PPP1R16A: variants seen among roughly 807,000 people sequenced by gnomAD.
PPP1R16A encodes the protein protein phosphatase 1 regulatory subunit 16A, also known as myosin phosphatase-targeting subunit 3.
PPP1R16A carries 39 observed loss-of-function variants against 46.6 expected under a neutral mutation model. The observed-to-expected ratio is 0.84, with a 90% confidence interval of 0.65 to 1.09. PPP1R16A has a LOEUF of 1.09. PPP1R16A is among the 50% of genes least tolerant of loss of function. PPP1R16A has a pLI of 0.00. For synonymous variants in PPP1R16A, 413 were observed against 321.5 expected (o/e 1.28, Z -3.04); for missense variants, 798 against 735.6 (o/e 1.08, Z -0.98).
intron 3 of PPP1R16A, chr8:144,498,086 C>T (rs1333548019): frequency 2.9e-5 from 13 of 456,118 alleles, no homozygotes; most frequent in South Asian, 1.1e-4. Context: ...TGCCTCCCTC[C>T]GGAGCAGAGA....
At chr8:144,491,366 C>G (rs1365650907) in intron 2 of PPP1R16A, among the ~76,000 whole-genome samples, 1 of 152,102 alleles carries the variant, frequency 6.6e-6, no homozygotes, top group African/African-American at 2.4e-5. Flanking sequence ...ATAATCCCAG[C>G]ATTTTGGGAG....
rs116714196 is a variant in PPP1R16A, at chr8:144,493,895, G to A, written c.-734-2566G>A. ...TGTGAGCCGTGCTGGGTGGGGTGGGGGAGGTAGAGCCTCCCCGCCCGTGGG... is the reference window on the plus strand; with the variant it reads ...TGTGAGCCGTGCTGGGTGGGGTGGGAGAGGTAGAGCCTCCCCGCCCGTGGG... On this transcript the variant is annotated intron_variant, in intron 2 of 11. Transcript: ENST00000435887. The surrounding 1 kb of genome is among the most constrained non-coding windows in gnomAD (Gnocchi z 4.3). 0.054 allele frequency among the ~76,000 whole-genome samples: 8,258 copies of A among 152,148 alleles called. 384 individuals are homozygous for A. The highest frequency in any genetic ancestry group is 0.086 in the Non-Finnish European group (5,831 of 67,926).
At chr8:144,499,825 A>C in intron 5 of PPP1R16A, 30 of 422,572 alleles carry the variant, frequency 7.1e-5, no homozygotes, top group East Asian at 2.3e-4. Flanking sequence ...AGGCCCATCC[A>C]ATGCATGTTT....
Position 144,500,119 on chromosome 8 carries a change from A to T in PPP1R16A, c.500A>T (p.Asn167Ile). Residue 167 changes from asparagine to isoleucine, a missense_variant, in exon 6 of 12, where the codon AAC becomes ATC. Coordinates refer to ENST00000435887, the MANE Select transcript of PPP1R16A (RefSeq NM_001329443.2). ...AGTGGCGCCAATCTCCTGGCGGTCAACACCGACGGGAACATGCCCTATGAC... is the reference window on the plus strand; with the variant it reads ...AGTGGCGCCAATCTCCTGGCGGTCATCACCGACGGGAACATGCCCTATGAC... ...IASGANLLAV[N>I]TDGNMPYDLC... 1 of 1,611,468 alleles carries T rather than the reference A, an allele frequency of 6.2e-7. No homozygotes were observed. Among genetic ancestry groups the T allele is most frequent in the Non-Finnish European group, 8.5e-7 (1 of 1,178,970 alleles).
intron 1 of PPP1R16A, chr8:144,479,304 C>T (rs541939607): frequency 6.6e-6 from 1 of 152,570 alleles, no homozygotes; most frequent in African/African-American, 2.4e-5. Context: ...GTGGTGGACG[C>T]TCAGAGCTCT....
At position 144,500,368 on chromosome 8, in the gene PPP1R16A, C is replaced by T; in HGVS notation, c.682C>T (p.Pro228Ser). Residue 228 changes from proline (P) to serine (S), a missense_variant, in exon 7 of 12, where the codon CCC becomes TCC. Physicochemically the swap from Pro to Ser is moderately conservative, Grantham distance 74 (BLOSUM62 -1). Transcript: ENST00000435887. ...RLQAGADLHAPLDHGATLLHV... is the reference protein window; with the variant it reads ...RLQAGADLHASLDHGATLLHV... ...GCAGGCCGGGGCAGACCTCCATGCC[C>T]CCCTGGACCACGGGGCCACGCTGGT... The T allele has an allele frequency of 6.5e-7, 1 of 1,532,176 alleles. No individual in the cohort carries two copies. The highest frequency in any genetic ancestry group is 2.5e-5 in the East Asian group (1 of 40,812). 94.9% of individuals were successfully genotyped at this position (1,532,176 alleles called of 1,614,324 possible).
chr8:144,499,801 G>A, intron 5 of PPP1R16A: 1 of 386,280 alleles, frequency 2.6e-6, no homozygotes, highest in Non-Finnish European at 4.8e-6. Flanking sequence ...TGTGCTCCCT[G>A]CTCCCCAGCA....
intron 3 of PPP1R16A, 80 bp downstream of exon 3, chr8:144,497,533 G>A: frequency 6.3e-7 from 1 of 1,576,852 alleles, no homozygotes; most frequent in Non-Finnish European, 8.6e-7. Context: ...TGCCAAGGCT[G>A]GGGGCTGGGC....
rs1825249408 is a variant in PPP1R16A at position 144,478,097 on chromosome 8, C to T, written c.-944C>T. 2.5e-6 allele frequency: 1 copy of T among 395,798 alleles called. No homozygotes were observed. Among genetic ancestry groups the T allele is most frequent in the Non-Finnish European group, 4.5e-6 (1 of 224,154 alleles). The allele number at this position is 395,798 out of a possible 1,614,324, so 24.5% of individuals were successfully genotyped here. A position where few individuals can be genotyped will look rare whatever the true frequency, so the allele number is the denominator to read the frequency against. ...ACTGACCCGCGGAAGCCAGCGGACC[C>T]ACTTGTGCGGCGGTCGGCGCGGGGC... On this transcript the variant is annotated 5_prime_UTR_variant, in exon 1 of 12. Transcript: ENST00000435887.
At chr8:144,483,108 C>T (rs556252617) in intron 1 of PPP1R16A, among the ~76,000 whole-genome samples, 1 of 152,266 alleles carries the variant, frequency 6.6e-6, no homozygotes, top group Non-Finnish European at 1.5e-5. Context: ...TGCGTATGTA[C>T]CCAGAAGTAG....
At chr8:144,487,465 G>C (rs1825661882) in intron 1 of PPP1R16A, among the ~76,000 whole-genome samples, 2 of 152,022 alleles carry the variant, frequency 1.3e-5, no homozygotes, top group Non-Finnish European at 2.9e-5. Context: ...TGCCTCCCAG[G>C]CTCAAGTGAT....
intron 3 of PPP1R16A, chr8:144,497,999 C>G (rs1324563471): frequency 2.2e-6 from 1 of 455,404 alleles, no homozygotes; most frequent in Non-Finnish European, 4.4e-6. Context: ...CTTGCAGCCC[C>G]AGCTGTGTGG....
At position 144,501,311 on chromosome 8, in the gene PPP1R16A, T is replaced by C; in HGVS notation, c.1203+17T>C. ...CCCCCGGAGGTGAGCGCCCCGTCCC[T>C]GCTCCGCCCAGCGCAGGGGTGGGCC... On this transcript the variant is annotated intron_variant, in intron 11 of 11. Transcript: ENST00000435887. 1 of 1,561,026 alleles carries C rather than the reference T, an allele frequency of 6.4e-7. No homozygotes were observed.
chr8:144,500,908 T>C lies in PPP1R16A; in HGVS notation c.974T>C (p.Leu325Pro). Residue 325 changes from leucine (L) to proline (P), a missense_variant, in exon 10 of 12, where the codon CTG becomes CCG. Coordinates refer to ENST00000435887, the MANE Select transcript of PPP1R16A (RefSeq NM_001329443.2). ...CTGAAGCACAAGCACGACGCCCTCC[T>C]GCGCGCCCAGAGCCGCCAGCGCTCC... is the stretch of plus-strand genomic sequence containing the variant. ...LELKHKHDALLRAQSRQRSLL... is the reference protein window; with the variant it reads ...LELKHKHDALPRAQSRQRSLL... 3 of 1,536,180 alleles carry C rather than the reference T, an allele frequency of 2.0e-6. No homozygotes were observed. Among genetic ancestry groups the C allele is most frequent in the African/African-American group, 1.4e-5 (1 of 71,164 alleles).
chr8:144,501,048 C>G lies in PPP1R16A; in HGVS notation c.1037+77C>G, dbSNP rs572639218. 1.5e-4 allele frequency: 235 copies of G among 1,530,386 alleles called. No individual in the cohort carries two copies. The African/African-American group carries it at 3.0e-3, about 19-fold the overall frequency. The allele number at this position is 1,530,386 out of a possible 1,614,324, so 94.8% of individuals were successfully genotyped here. A position where few individuals can be genotyped will look rare whatever the true frequency, so the allele number is the denominator to read the frequency against. On this transcript the variant is annotated intron_variant, in intron 10 of 11. Transcript: ENST00000435887. ...AGCCCCGGGCGGAGTGCCAGCCGAA[C>G]TGGGGGCAGAGTCCGAGGGGGTGGG... is the stretch of plus-strand genomic sequence containing the variant.
chr8:144,487,903 A>C (rs909528016), intron 1 of PPP1R16A, among the ~76,000 whole-genome samples: 2 of 152,236 alleles, frequency 1.3e-5, no homozygotes, highest in Non-Finnish European at 2.9e-5. Context: ...GACTACGTCA[A>C]ATCTTGGATG....
At chr8:144,490,544 C>T (rs1825773009) in intron 2 of PPP1R16A, among the ~76,000 whole-genome samples, 1 of 151,642 alleles carries the variant, frequency 6.6e-6, no homozygotes, top group Non-Finnish European at 1.5e-5. Context: ...GTCTGCCCAG[C>T]CAAGGGCTGG....
chr8:144,480,830 G>C (rs1334560893), intron 1 of PPP1R16A, among the ~76,000 whole-genome samples: 1 of 151,790 alleles, frequency 6.6e-6, no homozygotes, highest in East Asian at 1.9e-4. Context: ...GTAACTTACA[G>C]TAAGATGCAC....
At chr8:144,491,038 A>G (rs1825793597) in intron 2 of PPP1R16A, among the ~76,000 whole-genome samples, 1 of 152,018 alleles carries the variant, frequency 6.6e-6, no homozygotes, top group Admixed American at 6.5e-5. Flanking sequence ...CAGCGTGGGG[A>G]CAGAGCAAGA....
Sources: gnomAD v4.1 joint callset for allele counts (sites outside exome capture counted in the v4.1 genomes callset) on GRCh38, gnomAD v4.1.1 for gene constraint, Gnocchi (gnomAD v3.1) non-coding constraint, MANE v1.5 for transcripts, NCBI Gene and HGNC (gene_info 2026-07-23, HGNC 2026-07-21) for gene names.